MTUS2: variants seen among roughly 807,000 people sequenced by gnomAD.
MTUS2 encodes the protein microtubule-associated tumor suppressor candidate 2.
MTUS2 carries 40 observed loss-of-function variants against 114.1 expected under a neutral mutation model. That is an observed-to-expected ratio of 0.35 (90% CI 0.27 to 0.46). The LOEUF is 0.46. Ranked by LOEUF, MTUS2 falls within the 20% of genes least tolerant of loss-of-function variation. The probability of loss-of-function intolerance (pLI) is 1.00; values close to 1 mark genes in which losing one functional copy is unlikely to be tolerated. For missense variants in MTUS2, 1,679 were observed against 1,705.4 expected, an observed-to-expected ratio of 0.98 and a Z score of 0.27; for synonymous variants, 688 against 672.0, an observed-to-expected ratio of 1.02 and a Z score of -0.37.
chr13:29,414,985 G>T (rs897705488), intron 8 of MTUS2, among the ~76,000 whole-genome samples: 61 of 146,528 alleles, frequency 4.2e-4, no homozygotes, highest in Non-Finnish European at 8.4e-4. Context: ...GGTTTGGGGG[G>T]TTTTTTTGGT....
chr13:29,014,295 G>A (rs569240173), intron 2 of MTUS2, among the ~76,000 whole-genome samples: 13 of 152,308 alleles, frequency 8.5e-5, no homozygotes, highest in South Asian at 8.3e-4. Flanking sequence ...AAACAAGAGG[G>A]CTGAACTAAT....
At chr13:28,951,757 C>T (rs1422905737) in intron 2 of MTUS2, among the ~76,000 whole-genome samples, 1 of 151,992 alleles carries the variant, frequency 6.6e-6, no homozygotes, top group East Asian at 1.9e-4. Flanking sequence ...CAAGATCACA[C>T]TACTGAACTC....
At chr13:29,424,451 A>G (rs9506184) in intron 8 of MTUS2, among the ~76,000 whole-genome samples, 51,529 of 152,110 alleles carry the variant, frequency 0.34, 10,065 homozygotes, top group Non-Finnish European at 0.44. Flanking sequence ...TAATCAGAAC[A>G]TTATGTTGCA....
chr13:28,830,542 T>C (rs1160620540), intron 1 of MTUS2, among the ~76,000 whole-genome samples: 1 of 152,044 alleles, frequency 6.6e-6, no homozygotes, highest in Non-Finnish European at 1.5e-5. Flanking sequence ...ATCAACAGAT[T>C]TGAACTAGCA....
At chr13:29,367,924 TC>T (rs1453843647) in intron 8 of MTUS2, among the ~76,000 whole-genome samples, 7 of 147,998 alleles carry the variant, frequency 4.7e-5, no homozygotes, top group African/African-American at 1.7e-4. Flanking sequence ...TTCTTTTTTT[TC>T]CTCCTAGAAT....
chr13:29,445,719 C>T (rs896178757), intron 9 of MTUS2, among the ~76,000 whole-genome samples: 6 of 150,502 alleles, frequency 4.0e-5, no homozygotes, highest in Admixed American at 2.6e-4. Flanking sequence ...CCAGCCTGGC[C>T]ATGGCGAACC....
intron 5 of MTUS2, among the ~76,000 whole-genome samples, chr13:29,245,138 ATCATAGACATGCATCAGGAT>A (rs1467495291): frequency 6.6e-6 from 1 of 152,096 alleles, no homozygotes; most frequent in Non-Finnish European, 1.5e-5. Flanking sequence ...AGAGAGGACA[ATCATAGACATGCATCAGGAT>A]TAGTGAGATA....
rs1408413093 is a variant in MTUS2 at position 28,906,862 on chromosome 13, G to A, written c.-243+67012G>A. Among the ~76,000 whole-genome samples, 40 of 151,544 alleles carry A rather than the reference G, an allele frequency of 2.6e-4. 2 individuals carry two copies. The highest frequency in any genetic ancestry group is 8.3e-4 in the African/African-American group (34 of 41,044). On this transcript the variant is annotated intron_variant, in intron 2 of 15. Coordinates refer to ENST00000612955, the MANE Select transcript of MTUS2 (RefSeq NM_001033602.4). Reference sequence around the variant, plus strand: ...TATCCAGGAGAACTTCCCCAATCTAGCAAGGCAGGCCAACATTCAGATTCA... The same window carrying A: ...TATCCAGGAGAACTTCCCCAATCTAACAAGGCAGGCCAACATTCAGATTCA...
chr13:28,942,773 G>T, intron 2 of MTUS2, among the ~76,000 whole-genome samples: 1 of 152,194 alleles, frequency 6.6e-6, no homozygotes, highest in East Asian at 1.9e-4. Context: ...GTGTGTTAAA[G>T]GTGAGGTTAG....
intron 6 of MTUS2, among the ~76,000 whole-genome samples, chr13:29,321,068 C>A (rs2139671044): frequency 6.6e-6 from 1 of 152,280 alleles, no homozygotes; most frequent in Admixed American, 6.5e-5. Flanking sequence ...GCAGTAATGT[C>A]TATTTGGCAG....
chr13:29,168,888 CTG>C (rs57636866), intron 5 of MTUS2, among the ~76,000 whole-genome samples: 45 of 138,480 alleles, frequency 3.2e-4, no homozygotes, highest in East Asian at 8.4e-4. Context: ...CTTTATGAAT[CTG>C]TGTGTGTGTG....
intron 6 of MTUS2, chr13:29,307,207 C>T: frequency 7.2e-6 from 4 of 554,804 alleles, no homozygotes; most frequent in South Asian, 5.1e-5. Flanking sequence ...TGACAGCAGC[C>T]TCAAGATCAT....
chr13:29,449,292 CTAGCAT>C (rs1416405744), intron 9 of MTUS2, among the ~76,000 whole-genome samples: 11 of 4,130 alleles, frequency 2.7e-3, no homozygotes, highest in Admixed American at 0.016. Context: ...AAGTTATTAA[CTAGCAT>C]GCATTTTTCA....
intron 2 of MTUS2, among the ~76,000 whole-genome samples, chr13:28,988,270 A>G (rs1884676995): frequency 6.6e-6 from 1 of 152,206 alleles, no homozygotes; most frequent in Non-Finnish European, 1.5e-5. Context: ...GAATTTCATG[A>G]TGTCCAAGAC....
At chr13:29,185,841 T>G (rs1894200988) in intron 5 of MTUS2, among the ~76,000 whole-genome samples, 1 of 152,100 alleles carries the variant, frequency 6.6e-6, no homozygotes, top group African/African-American at 2.4e-5. Flanking sequence ...CAAAGCAGTT[T>G]GTGTTGAATA....
intron 8 of MTUS2, among the ~76,000 whole-genome samples, chr13:29,383,408 G>C (rs1228408727): frequency 2.6e-5 from 4 of 152,086 alleles, no homozygotes; most frequent in Non-Finnish European, 5.9e-5. Context: ...GCAGTAGCAG[G>C]GTGACCCAGT....
intron 8 of MTUS2, among the ~76,000 whole-genome samples, chr13:29,434,348 C>A (rs1877255609): frequency 6.6e-6 from 1 of 152,134 alleles, no homozygotes; most frequent in South Asian, 2.1e-4. Context: ...GTGCTCTCTG[C>A]ATATGCTGCT....
chr13:29,315,479 T>G (rs1899949842), intron 6 of MTUS2, among the ~76,000 whole-genome samples: 1 of 152,160 alleles, frequency 6.6e-6, no homozygotes, highest in South Asian at 2.1e-4. Flanking sequence ...TAAAAATCAT[T>G]TTTTAAAAGG....
Position 28,858,935 on chromosome 13 carries a change from C to A in MTUS2, c.-243+19085C>A, listed in dbSNP as rs541064516. Among the ~76,000 whole-genome samples, 3 of 152,264 alleles carry A rather than the reference C, an allele frequency of 2.0e-5. No homozygotes were observed. In the East Asian group the frequency reaches 5.8e-4, roughly 29 times the overall value. ...TCCAGTGCACACTCCCTGAACTGAG[C>A]TGCCACTCAGGTGGAGAGAGGAGTG... On this transcript the variant is annotated intron_variant, in intron 2 of 15. Coordinates refer to ENST00000612955, the MANE Select transcript of MTUS2 (RefSeq NM_001033602.4).
Sources: allele counts gnomAD v4.1 joint callset (sites outside exome capture counted in the v4.1 genomes callset), GRCh38; gene constraint gnomAD v4.1.1; transcripts MANE v1.5; gene names NCBI Gene and HGNC (gene_info 2026-07-23, HGNC 2026-07-21).